The following UNC13C variants were observed in gnomAD, a reference collection of about 807,000 sequenced individuals.
UNC13C encodes unc-13 homolog C.
A neutral mutation model predicts 245.4 loss-of-function variants in UNC13C; 174 were observed. The observed-to-expected ratio is 0.71, with a 90% CI of 0.63 to 0.80. UNC13C has a LOEUF of 0.80. UNC13C is among the 30% of genes least tolerant of loss of function. The pLI, the probability that UNC13C is intolerant of heterozygous loss-of-function variation, is 0.00. For missense variants in UNC13C, 2,829 were observed against 2,602.9 expected (o/e 1.09, Z -1.89); for synonymous variants, 992 against 895.1 (o/e 1.11, Z -1.93).
intron 19 of UNC13C, among the ~76,000 whole-genome samples, chr15:54,439,381 A>G (rs1890391836): frequency 1.3e-5 from 2 of 152,018 alleles, no homozygotes; most frequent in South Asian, 2.1e-4. Context: ...AGTAAAATAT[A>G]TAAAATAGGA....
At chr15:54,259,235 CAGTT>C (rs2036360864) in intron 8 of UNC13C, among the ~76,000 whole-genome samples, 1 of 152,224 alleles carries the variant, frequency 6.6e-6, no homozygotes, top group African/African-American at 2.4e-5. Context: ...CAGACTACGC[CAGTT>C]AGTTAAGTGG....
At chr15:54,249,884 A>T (rs1054551025) in intron 7 of UNC13C, among the ~76,000 whole-genome samples, 1 of 152,116 alleles carries the variant, frequency 6.6e-6, no homozygotes, top group Non-Finnish European at 1.5e-5. Context: ...GTAGAAAGTA[A>T]AAGAGGCGTT....
chr15:54,340,112 C>T (rs772471097), intron 17 of UNC13C, among the ~76,000 whole-genome samples: 4 of 152,066 alleles, frequency 2.6e-5, no homozygotes, highest in Non-Finnish European at 4.4e-5. Context: ...CTATTCATGT[C>T]CTTATCCCAC....
chr15:54,610,323 C>T (rs1300478810), intron 30 of UNC13C, among the ~76,000 whole-genome samples: 1 of 152,170 alleles, frequency 6.6e-6, no homozygotes, highest in Non-Finnish European at 1.5e-5. Flanking sequence ...TCAGCCTCCG[C>T]CTTCCGGGTT....
the UNC13C span, chr15:53,913,931 G>A: frequency 1.3e-5 from 2 of 152,242 alleles, no homozygotes; most frequent in Non-Finnish European, 2.9e-5. Flanking sequence ...TAGCTAATGA[G>A]CTGCACTCAG....
intron 18 of UNC13C, among the ~76,000 whole-genome samples, chr15:54,413,395 C>A (rs2040452656): frequency 6.6e-6 from 1 of 151,954 alleles, no homozygotes; most frequent in African/African-American, 2.4e-5. Context: ...AATTTTGATG[C>A]CGCATATTAA....
At position 54,264,072 on chromosome 15, in the gene UNC13C, C is replaced by T. The variant is rs117178466; in HGVS notation, c.3449-96C>T. 6.2e-4 allele frequency: 754 copies of T among 1,219,322 alleles called. 7 individuals are homozygous for T. The East Asian group carries it at 0.018, about 29-fold the overall frequency. 75.5% of individuals were successfully genotyped at this position (1,219,322 alleles called of 1,614,324 possible). A position where few individuals can be genotyped will look rare whatever the true frequency, so the allele number is the denominator to read the frequency against. Reference sequence around the variant, plus strand: ...CCTGACTCCACAGAATGAAAGCACTCATTCATTCTCACTTCCTCCTCCTTT... The same window carrying T: ...CCTGACTCCACAGAATGAAAGCACTTATTCATTCTCACTTCCTCCTCCTTT... On this transcript the variant is annotated intron_variant, in intron 8 of 32. Transcript: ENST00000260323.
chr15:54,239,457 A>G (rs1244431604), intron 7 of UNC13C, among the ~76,000 whole-genome samples: 1 of 151,864 alleles, frequency 6.6e-6, no homozygotes, highest in Non-Finnish European at 1.5e-5. Context: ...CTTTTTGTTT[A>G]TTTATTTTTT....
intron 17 of UNC13C, among the ~76,000 whole-genome samples, chr15:54,378,739 A>G (rs1007897964): frequency 6.6e-6 from 1 of 151,908 alleles, no homozygotes; most frequent in Non-Finnish European, 1.5e-5. Flanking sequence ...TTCTGATCCT[A>G]TGTTCAGTTA....
At chr15:54,198,799 G>T (rs1262657634) in intron 4 of UNC13C, among the ~76,000 whole-genome samples, 2 of 151,874 alleles carry the variant, frequency 1.3e-5, no homozygotes, top group Non-Finnish European at 2.9e-5. Context: ...GACAAAACAA[G>T]TTTCTTTAAC....
intron 30 of UNC13C, among the ~76,000 whole-genome samples, chr15:54,610,789 C>A (rs1900048365): frequency 6.6e-6 from 1 of 152,168 alleles, no homozygotes; most frequent in Admixed American, 6.5e-5. Context: ...GGATTCAAAC[C>A]CAGGCAGTAT....
intron 4 of UNC13C, among the ~76,000 whole-genome samples, chr15:54,150,042 A>G (rs1296847029): frequency 6.6e-6 from 1 of 152,192 alleles, no homozygotes; most frequent in African/African-American, 2.4e-5. Context: ...CCAAAGGATA[A>G]CTTTATAGCT....
intron 13 of UNC13C, among the ~76,000 whole-genome samples, chr15:54,306,125 G>A (rs919511991): frequency 6.6e-6 from 1 of 151,984 alleles, no homozygotes; most frequent in Non-Finnish European, 1.5e-5. Flanking sequence ...CTGAGCATTA[G>A]GACTGAACGT....
chr15:54,114,451 T>C (rs1308696424), intron 2 of UNC13C, among the ~76,000 whole-genome samples: 1 of 152,148 alleles, frequency 6.6e-6, no homozygotes, highest in Non-Finnish European at 1.5e-5. Context: ...ATACAAATGA[T>C]GCTATACCGG....
rs146382968 is a variant in UNC13C, at chr15:54,117,925, C to T, written c.2984-25093C>T. Among the ~76,000 whole-genome samples the T allele has an allele frequency of 1.9e-3, 287 of 152,146 alleles. 1 individual carries two copies. The highest frequency in any genetic ancestry group is 6.4e-3 in the African/African-American group (266 of 41,528). On this transcript the variant is annotated intron_variant, in intron 2 of 32. Transcript: ENST00000260323. ...GAGTGTCTTTTCCCTATTATATGTT[C>T]TTGGCATCTTTGTTGAAAATGTGTT...
chr15:54,393,166 C>A lies in UNC13C; in HGVS notation c.4832C>A (p.Thr1611Lys). 6.3e-7 allele frequency: 1 copy of A among 1,592,914 alleles called. No individual in the cohort carries two copies. Among genetic ancestry groups the A allele is most frequent in the South Asian group, 1.1e-5 (1 of 87,128 alleles). ...ATTGATGAGGATAAAACTGCCTACACACCTGTCCTGAATCAGTAAGTACAA... is the reference window on the plus strand; with the variant it reads ...ATTGATGAGGATAAAACTGCCTACAAACCTGTCCTGAATCAGTAAGTACAA... ...TIIDEDKTAY[T>K]PVLNQFPQEL... is the part of the protein sequence containing the mutation. The change falls in exon 18 of 33, where the codon ACA (threonine) becomes AAA (lysine). Residue 1611 changes from threonine to lysine, a missense_variant. By Grantham distance (78) the Thr-to-Lys change is moderately conservative (BLOSUM62 -1). Coordinates refer to ENST00000260323, the MANE Select transcript of UNC13C (RefSeq NM_001080534.3).
intron 17 of UNC13C, among the ~76,000 whole-genome samples, chr15:54,343,492 C>T (rs1407961640): frequency 6.6e-6 from 1 of 152,206 alleles, no homozygotes; most frequent in Non-Finnish European, 1.5e-5. Flanking sequence ...TCCTACTCCT[C>T]ACACTCCTGA....
the UNC13C span, among the ~76,000 whole-genome samples, chr15:53,919,878 T>G: frequency 6.6e-6 from 1 of 152,334 alleles, no homozygotes; most frequent in Non-Finnish European, 1.5e-5. Context: ...TTTAAATGAT[T>G]CTCTTGATAC....
At chr15:54,070,125 C>T (rs1898252220) in intron 2 of UNC13C, among the ~76,000 whole-genome samples, 1 of 152,148 alleles carries the variant, frequency 6.6e-6, no homozygotes, top group Non-Finnish European at 1.5e-5. Context: ...CACAATGTCT[C>T]CCACCGGCAA....
Sources: gnomAD v4.1 joint callset for allele counts (sites outside exome capture counted in the v4.1 genomes callset) on GRCh38, gnomAD v4.1.1 for gene constraint, MANE v1.5 for transcripts, NCBI Gene and HGNC (gene_info 2026-07-23, HGNC 2026-07-21) for gene names.